The following COL4A6 variants were observed in gnomAD, a reference collection of about 807,000 sequenced individuals.
The protein encoded by COL4A6 is collagen alpha-6(IV) chain.
COL4A6 carries 59 observed loss-of-function variants against 126.7 expected under a neutral mutation model. The observed-to-expected ratio is 0.47, with a 90% CI of 0.38 to 0.58. The LOEUF (loss-of-function observed/expected upper bound fraction) is 0.58, where lower values mean the gene tolerates loss of function less well. Ranked by LOEUF, COL4A6 falls within the 20% of genes least tolerant of loss-of-function variation. COL4A6 has a pLI of 0.00. For missense variants in COL4A6, 1,285 were observed against 1,337.3 expected, an observed-to-expected ratio of 0.96 and a Z score of 0.61; for synonymous variants, 547 against 496.6, an observed-to-expected ratio of 1.10 and a Z score of -1.35.
chrX:108,309,682 A>T (rs2038714093), intron 3 of COL4A6, among the ~76,000 whole-genome samples: 1 of 110,528 alleles, frequency 9.0e-6, no homozygotes, highest in Non-Finnish European at 1.9e-5. Context: ...TGACCTATTT[A>T]TAGTACTACT....
intron 2 of COL4A6, chrX:108,383,652 A>G (rs2040614071): frequency 5.7e-6 from 3 of 522,691 alleles, no homozygotes; most frequent in Non-Finnish European, 1.0e-5. Flanking sequence ...TTAAGGGGAA[A>G]ACCAGTGCCG....
intron 2 of COL4A6, among the ~76,000 whole-genome samples, chrX:108,402,780 C>T (rs749115433): frequency 9.0e-5 from 10 of 110,569 alleles, no homozygotes; most frequent in African/African-American, 1.6e-4. Context: ...TTGTTGTTGA[C>T]GTCATATGGT....
chrX:108,297,656 T>G (rs770612114), intron 3 of COL4A6, among the ~76,000 whole-genome samples: 2 of 111,350 alleles, frequency 1.8e-5, no homozygotes, highest in Admixed American at 1.9e-4. Context: ...AAATCCATGC[T>G]CTCAACCACT....
Position 108,174,430 on chromosome X carries a change from T to C in COL4A6, c.3138+10A>G. On this transcript the variant is annotated intron_variant, in intron 31 of 44. Coordinates refer to ENST00000334504, the MANE Select transcript of COL4A6 (RefSeq NM_033641.4). The stretch of plus-strand genomic sequence containing the variant: ...TTCTGGTATAAAGACAAAGATCTGG[T>C]CACACTTACACTTTCTCCTGGCATT... 2 of 1,209,319 alleles carry C rather than the reference T, an allele frequency of 1.7e-6. No homozygotes were observed. The highest frequency in any genetic ancestry group is 3.5e-5 in the African/African-American group (2 of 57,528).
chrX:108,261,573 T>C (rs760010805), intron 3 of COL4A6, among the ~76,000 whole-genome samples: 1 of 111,433 alleles, frequency 9.0e-6, no homozygotes, highest in South Asian at 3.7e-4. Context: ...GTTATATACA[T>C]AGAGCATTTT....
chrX:108,159,214 G>A (rs1204814439), intron 44 of COL4A6, among the ~76,000 whole-genome samples: 2 of 111,955 alleles, frequency 1.8e-5, no homozygotes, highest in Non-Finnish European at 3.8e-5. Flanking sequence ...AGACGGCGGG[G>A]CATTGACCTA....
chrX:108,346,737 A>G (rs190021268), intron 2 of COL4A6, among the ~76,000 whole-genome samples: 9 of 112,662 alleles, frequency 8.0e-5, no homozygotes, highest in Non-Finnish European at 1.5e-4. Flanking sequence ...TAAAGACCCA[A>G]AACACTTCTA....
At chrX:108,329,248 G>C (rs1228153726) in intron 2 of COL4A6, among the ~76,000 whole-genome samples, 1 of 111,715 alleles carries the variant, frequency 9.0e-6, no homozygotes, top group Admixed American at 9.5e-5. Context: ...GAAATGATAA[G>C]TGTTTGAGGT....
intron 3 of COL4A6, chrX:108,269,212 G>A: frequency 3.1e-6 from 1 of 327,846 alleles, no homozygotes; most frequent in South Asian, 2.7e-5. Flanking sequence ...AAAAGGAAGG[G>A]ACTTTCGGAG....
intron 8 of COL4A6, among the ~76,000 whole-genome samples, chrX:108,209,093 C>T (rs1363243914): frequency 8.9e-6 from 1 of 111,910 alleles, no homozygotes; most frequent in Non-Finnish European, 1.9e-5. Context: ...TATGTATGGC[C>T]TTGGTCCTTA....
intron 44 of COL4A6, among the ~76,000 whole-genome samples, 191 bp from the exon 45 acceptor site, chrX:108,157,451 T>G (rs773219392): frequency 1.8e-5 from 2 of 111,354 alleles, no homozygotes; most frequent in Non-Finnish European, 3.8e-5. Context: ...TCCTCCCTCA[T>G]AGCAGCTTTC....
chrX:108,394,377 A>C (rs1238136130), intron 2 of COL4A6, among the ~76,000 whole-genome samples: 1 of 110,604 alleles, frequency 9.0e-6, no homozygotes, highest in Admixed American at 9.7e-5. Context: ...ATACCTATGT[A>C]ATAAACCTGC....
chrX:108,288,435 G>A (rs1465960412), intron 3 of COL4A6, among the ~76,000 whole-genome samples: 1 of 111,355 alleles, frequency 9.0e-6, no homozygotes, highest in Non-Finnish European at 1.9e-5. Context: ...CAATTGGACA[G>A]AAATTTATTC....
chrX:108,360,668 C>G (rs1371019170), intron 2 of COL4A6, among the ~76,000 whole-genome samples: 1 of 109,151 alleles, frequency 9.2e-6, no homozygotes, highest in Non-Finnish European at 1.9e-5. Flanking sequence ...TCCCGAGTAG[C>G]TGGGATTACA....
At chrX:108,394,274 G>A (rs749567103) in intron 2 of COL4A6, among the ~76,000 whole-genome samples, 39 of 109,781 alleles carry the variant, frequency 3.6e-4, no homozygotes, top group East Asian at 2.3e-3. Flanking sequence ...GGGGCCTGTC[G>A]GGGTGTAGGG....
chrX:108,274,545 C>T (rs1198777882), intron 3 of COL4A6, among the ~76,000 whole-genome samples: 1 of 111,821 alleles, frequency 8.9e-6, no homozygotes, highest in Non-Finnish European at 1.9e-5. Flanking sequence ...TAAGATACAG[C>T]TAGCCGTGGA....
At chrX:108,363,813 G>A (rs761731636) in intron 2 of COL4A6, among the ~76,000 whole-genome samples, 1 of 111,863 alleles carries the variant, frequency 8.9e-6, no homozygotes, top group Admixed American at 9.5e-5. Context: ...TGATAGGGAA[G>A]TCTCTTAATT....
chrX:108,318,305 A>G (rs769014921), intron 2 of COL4A6, among the ~76,000 whole-genome samples: 1 of 111,865 alleles, frequency 8.9e-6, no homozygotes, highest in South Asian at 3.8e-4. Flanking sequence ...TCCCTTTGAA[A>G]ACTGGCACAA....
chrX:108,396,016 C>T (rs1454969311), intron 2 of COL4A6, among the ~76,000 whole-genome samples: 1 of 111,230 alleles, frequency 9.0e-6, no homozygotes, highest in Non-Finnish European at 1.9e-5. Flanking sequence ...AATGTTAATT[C>T]TCTCTCCTTT....
Sources: allele counts gnomAD v4.1 joint callset (sites outside exome capture counted in the v4.1 genomes callset), GRCh38; gene constraint gnomAD v4.1.1; transcripts MANE v1.5; gene names NCBI Gene and HGNC (gene_info 2026-07-23, HGNC 2026-07-21).